The following GDA variants were observed in gnomAD, a reference collection of about 807,000 sequenced individuals.
GDA encodes guanine deaminase.
Under a neutral mutation model 59.6 loss-of-function variants are expected in GDA, and 18 were observed. The observed-to-expected ratio is 0.30, with a 90% CI of 0.21 to 0.45. GDA has a LOEUF of 0.45. Ranked by LOEUF, GDA falls within the 20% of genes least tolerant of loss-of-function variation. GDA has a pLI of 1.00. For missense variants in GDA, 427 were observed against 552.3 expected (o/e 0.77, Z 2.27); for synonymous variants, 201 against 201.1 (o/e 1.00, Z 0.00).
intron 2 of GDA, among the ~76,000 whole-genome samples, chr9:72,200,841 T>C (rs1366211826): frequency 6.6e-6 from 1 of 152,226 alleles, no homozygotes; most frequent in Non-Finnish European, 1.5e-5. Context: ...CCATAGTCAG[T>C]GAATTAACAA....
intron 10 of GDA, among the ~76,000 whole-genome samples, chr9:72,232,002 G>A (rs34172929): frequency 0.018 from 2,800 of 152,306 alleles, 45 homozygotes; most frequent in Non-Finnish European, 0.028. Context: ...AATTAGTGAC[G>A]GATTAGTGAT....
intron 1 of GDA, among the ~76,000 whole-genome samples, chr9:72,140,014 A>C (rs1268649027): frequency 6.6e-6 from 1 of 152,076 alleles, no homozygotes; most frequent in African/African-American, 2.4e-5. Flanking sequence ...TCTTCTGGAC[A>C]CTATATTCCA....
chr9:72,214,734 C>G, intron 5 of GDA: 1 of 281,884 alleles, frequency 3.5e-6, no homozygotes, highest in Admixed American at 4.9e-5. Flanking sequence ...TTTTTTTTTT[C>G]TTTTCTTTTC....
chr9:72,195,660 G>T, intron 2 of GDA, 72 bp downstream of exon 2: 1 of 536,528 alleles, frequency 1.9e-6, no homozygotes, highest in Non-Finnish European at 3.4e-6. Context: ...TGCCTTGAGA[G>T]ACAGAGAGAC....
intron 1 of GDA, among the ~76,000 whole-genome samples, chr9:72,178,488 G>A (rs1054603930): frequency 2.7e-5 from 4 of 149,892 alleles, no homozygotes; most frequent in African/African-American, 9.9e-5. Context: ...TGCAATCTCG[G>A]CTCACTGCAA....
chr9:72,124,530 T>C (rs560537044), intron 1 of GDA, among the ~76,000 whole-genome samples: 46 of 152,244 alleles, frequency 3.0e-4, no homozygotes, highest in African/African-American at 1.1e-3. Context: ...CAATAATATG[T>C]AGAAAAAAGG....
intron 1 of GDA, among the ~76,000 whole-genome samples, chr9:72,116,031 C>T (rs1394597791): frequency 1.3e-5 from 2 of 152,036 alleles, no homozygotes; most frequent in Non-Finnish European, 2.9e-5. Context: ...GTTGGGAGTT[C>T]GAGACCAGCC....
downstream of GDA, among the ~76,000 whole-genome samples, chr9:72,255,106 A>G (rs1181333174): frequency 6.6e-6 from 1 of 152,218 alleles, no homozygotes. Flanking sequence ...GTTGAATAGT[A>G]CTGCTCCCTA....
chr9:72,150,804 G>C (rs1269477806), intron 1 of GDA, among the ~76,000 whole-genome samples: 1 of 152,102 alleles, frequency 6.6e-6, no homozygotes, highest in Non-Finnish European at 1.5e-5. Flanking sequence ...GCACGTTCAG[G>C]GAGCCTGCTG....
At chr9:72,183,815 A>G (rs1831558840) in intron 1 of GDA, among the ~76,000 whole-genome samples, 1 of 152,200 alleles carries the variant, frequency 6.6e-6, no homozygotes. Context: ...CAGACATCCC[A>G]TCATTTTAGA....
chr9:72,227,550 C>T (rs1837748775), intron 8 of GDA, among the ~76,000 whole-genome samples: 1 of 152,060 alleles, frequency 6.6e-6, no homozygotes, highest in Non-Finnish European at 1.5e-5. Flanking sequence ...AAGCACAACA[C>T]TACCAGTTGC....
At chr9:72,171,275 CT>C (rs1364474219) in intron 1 of GDA, among the ~76,000 whole-genome samples, 12 of 152,122 alleles carry the variant, frequency 7.9e-5, no homozygotes, top group Non-Finnish European at 1.8e-4. Flanking sequence ...CCACTTAGTT[CT>C]TTTTCAAATT....
intron 1 of GDA, among the ~76,000 whole-genome samples, chr9:72,159,575 T>G (rs1409880141): frequency 1.3e-5 from 2 of 152,092 alleles, no homozygotes; most frequent in African/African-American, 4.8e-5. Flanking sequence ...TATTCTAAAC[T>G]TACATATAAT....
At chr9:72,227,544 ACAAC>A (rs1837746918) in intron 8 of GDA, among the ~76,000 whole-genome samples, 1 of 151,662 alleles carries the variant, frequency 6.6e-6, no homozygotes, top group Non-Finnish European at 1.5e-5. Flanking sequence ...TGGAGCAAGC[ACAAC>A]ACTACCAGTT....
Position 72,230,499 on chromosome 9 carries a change from A to T in GDA, c.921-615A>T, listed in dbSNP as rs1038281614. On this transcript the variant is annotated intron_variant, in intron 9 of 13. Coordinates refer to ENST00000358399, the MANE Select transcript of GDA (RefSeq NM_004293.5). Reference sequence around the variant, plus strand: ...GAGACAGACTCTGTCTCAAAAAAAAAAAATATATATATATATATATATGGC... The same window carrying T: ...GAGACAGACTCTGTCTCAAAAAAAATAAATATATATATATATATATATGGC... Among the ~76,000 whole-genome samples, 159 of 121,920 alleles carry T rather than the reference A, an allele frequency of 1.3e-3. 1 individual carries two copies. The highest frequency in any genetic ancestry group is 1.4e-3 in the Admixed American group (17 of 12,338). 80.0% of individuals were successfully genotyped at this position (121,920 alleles called of 152,430 possible).
chr9:72,146,923 G>C (rs1229650891), upstream of GDA, among the ~76,000 whole-genome samples: 1 of 152,172 alleles, frequency 6.6e-6, no homozygotes, highest in Non-Finnish European at 1.5e-5. Flanking sequence ...TTGCTCAAAA[G>C]AGCTAAAATT....
intron 10 of GDA, among the ~76,000 whole-genome samples, chr9:72,240,019 A>AGT (rs1839438640): frequency 6.6e-6 from 1 of 152,196 alleles, no homozygotes. Flanking sequence ...ATTAGCTATA[A>AGT]GTGTGTTTTT....
At chr9:72,134,803 T>C (rs1826158585) in intron 1 of GDA, among the ~76,000 whole-genome samples, 1 of 152,216 alleles carries the variant, frequency 6.6e-6, no homozygotes, top group Admixed American at 6.5e-5. Context: ...ATTGAATTAA[T>C]ACTTGTGAGC....
intron 2 of GDA, among the ~76,000 whole-genome samples, chr9:72,197,066 T>C (rs948966715): frequency 6.6e-6 from 1 of 152,220 alleles, no homozygotes; most frequent in African/African-American, 2.4e-5. Flanking sequence ...AAACACTGTT[T>C]CACGTAATAG....
Sources: gnomAD v4.1 joint callset for allele counts (sites outside exome capture counted in the v4.1 genomes callset) on GRCh38, gnomAD v4.1.1 for gene constraint, MANE v1.5 for transcripts, NCBI Gene and HGNC (gene_info 2026-07-23, HGNC 2026-07-21) for gene names.